ATG10: variants seen among roughly 807,000 people sequenced by gnomAD.
The protein encoded by ATG10 is ubiquitin-like-conjugating enzyme ATG10.
In ATG10, 30 loss-of-function variants were observed where a neutral mutation model predicts 32.1. The observed-to-expected ratio is 0.94, with a 90% confidence interval of 0.70 to 1.27. The LOEUF is 1.27. Ranked by LOEUF, ATG10 falls within the 50% of genes most tolerant of loss-of-function variation. The pLI is 0.00. For missense variants in ATG10, 233 were observed against 262.3 expected (o/e 0.89, Z 0.77); for synonymous variants, 87 against 91.5 (o/e 0.95, Z 0.28).
At chr5:82,238,059 C>T (rs957361859) in intron 5 of ATG10, among the ~76,000 whole-genome samples, 6 of 152,182 alleles carry the variant, frequency 3.9e-5, no homozygotes, top group African/African-American at 9.6e-5. Flanking sequence ...GTCTTTCCAT[C>T]GATAGGGCCT....
rs9784628 is a variant in ATG10, at chr5:81,990,264, C to G, written c.108+2586C>G. ...ATTGAATGAGTATAGGTTTCTGACC[C>G]CTTTTGACCTGTAATAATTTGTGTG... On this transcript the variant is annotated intron_variant, in intron 2 of 7. Coordinates refer to ENST00000282185, the MANE Select transcript of ATG10 (RefSeq NM_031482.5). 5.9e-3 allele frequency among the ~76,000 whole-genome samples: 897 copies of G among 152,148 alleles called. 8 individuals are homozygous for G. The highest frequency in any genetic ancestry group is 0.02 in the African/African-American group (846 of 41,516).
rs775694316 is a variant in ATG10 at position 82,079,611 on chromosome 5, C to T, written c.216+21009C>T. On this transcript the variant is annotated intron_variant, in intron 3 of 7. Coordinates refer to ENST00000282185, the MANE Select transcript of ATG10 (RefSeq NM_031482.5). ...ATTCCCACCTATGAGTGAGAACATG[C>T]GGTGTTTGTTTTTTTTTCCCTGTGA... Among the ~76,000 whole-genome samples the T allele has an allele frequency of 1.4e-3, 206 of 151,910 alleles. 4 individuals carry two copies. The highest frequency in any genetic ancestry group is 1.1e-3 in the Admixed American group (17 of 15,246).
rs1747338441 is a variant in ATG10 at position 82,253,376 on chromosome 5, C to T, written c.614C>T (p.Pro205Leu). The change falls in exon 7 of 8, where the codon CCT (proline) becomes CTT (leucine). Residue 205 changes from proline to leucine, a missense_variant. Physicochemically the swap from Pro to Leu is moderately conservative, Grantham distance 98. Transcript: ENST00000282185. The stretch of plus-strand genomic sequence containing the variant: ...GGGCCAGTTGTTGGGCTGAATCTAC[C>T]TCTGAGTTATGCCAAAGCAACGTCT... ...IVGPVVGLNL[P>L]LSYAKATSQD... The T allele has an allele frequency of 6.2e-7, 1 of 1,612,926 alleles. No homozygotes were observed. Among genetic ancestry groups the T allele is most frequent in the African/African-American group, 1.3e-5 (1 of 74,932 alleles).
chr5:81,997,091 C>T (rs1761687657), intron 2 of ATG10, among the ~76,000 whole-genome samples: 1 of 152,198 alleles, frequency 6.6e-6, no homozygotes, highest in South Asian at 2.1e-4. Context: ...TGTGAACATT[C>T]ACATGGAGGC....
chr5:82,091,533 CAG>C (rs1764885163), intron 3 of ATG10, among the ~76,000 whole-genome samples: 1 of 152,124 alleles, frequency 6.6e-6, no homozygotes, highest in African/African-American at 2.4e-5. Context: ...TCTCTTTTAA[CAG>C]AGATCTTCTT....
chr5:82,190,773 CAAAAAAAAAAAAAA>C (rs35513819), intron 5 of ATG10, among the ~76,000 whole-genome samples: 10 of 53,654 alleles, frequency 1.9e-4, no homozygotes, highest in Non-Finnish European at 2.9e-4. Context: ...GACTCCATCT[CAAAAAAAAAAAAAA>C]AAAAAAAAAA....
At position 82,031,705 on chromosome 5, in the gene ATG10, A is replaced by G. The variant is rs984562866; in HGVS notation, c.109-26790A>G. ...AGCTGGTGATGGATTTGTACTGAAG[A>G]CAAAGAAAGAGGTGGTAAAAGAAGG... On this transcript the variant is annotated intron_variant, in intron 2 of 7. Coordinates refer to ENST00000282185, the MANE Select transcript of ATG10 (RefSeq NM_031482.5). Among the ~76,000 whole-genome samples the G allele has an allele frequency of 3.3e-5, 5 of 152,236 alleles. 1 individual carries two copies. In the East Asian group the frequency reaches 9.6e-4, roughly 29 times the overall value.
chr5:82,073,356 A>G (rs1359523885), intron 3 of ATG10: 1 of 152,092 alleles, frequency 6.6e-6, no homozygotes, highest in Non-Finnish European at 1.5e-5. Context: ...TGAAAATACA[A>G]CCTTTGACCC....
At chr5:82,241,590 C>T (rs1257339269) in intron 5 of ATG10, among the ~76,000 whole-genome samples, 3 of 152,082 alleles carry the variant, frequency 2.0e-5, no homozygotes, top group African/African-American at 4.8e-5. Context: ...TTCCAAGCCC[C>T]CTTCTGCCCT....
intron 3 of ATG10, among the ~76,000 whole-genome samples, chr5:82,105,657 T>G (rs1765426271): frequency 6.6e-6 from 1 of 152,162 alleles, no homozygotes; most frequent in South Asian, 2.1e-4. Flanking sequence ...GGGAATACCC[T>G]TCTGTACTCT....
At chr5:81,989,498 A>G (rs7717810) in intron 2 of ATG10, among the ~76,000 whole-genome samples, 9,967 of 152,250 alleles carry the variant, frequency 0.065, 1,090 homozygotes, top group African/African-American at 0.23. Context: ...ACAGTTGATC[A>G]GCCCTCAGGA....
intron 2 of ATG10, among the ~76,000 whole-genome samples, chr5:82,003,302 A>T (rs1377668302): frequency 1.3e-5 from 2 of 152,248 alleles, no homozygotes; most frequent in Non-Finnish European, 2.9e-5. Flanking sequence ...TGTCTACTGA[A>T]GTGCCCAGAT....
intron 3 of ATG10, among the ~76,000 whole-genome samples, chr5:82,156,638 T>C (rs897558569): frequency 6.6e-6 from 1 of 152,196 alleles, no homozygotes; most frequent in African/African-American, 2.4e-5. Flanking sequence ...GCCTTTCTTA[T>C]GTCACATGTA....
At chr5:82,104,592 G>T (rs1054492823) in intron 3 of ATG10, among the ~76,000 whole-genome samples, 2 of 152,062 alleles carry the variant, frequency 1.3e-5, no homozygotes, top group African/African-American at 4.8e-5. Flanking sequence ...ACCAGATTCT[G>T]TACTGGTTTT....
chr5:82,030,215 A>G (rs1021750717), intron 2 of ATG10, among the ~76,000 whole-genome samples: 2 of 152,170 alleles, frequency 1.3e-5, no homozygotes, highest in African/African-American at 4.8e-5. Context: ...GCTGAAGAAT[A>G]TGGTCTGATC....
intron 2 of ATG10, among the ~76,000 whole-genome samples, chr5:82,028,478 A>G (rs748852623): frequency 1.3e-5 from 2 of 152,194 alleles, no homozygotes; most frequent in African/African-American, 4.8e-5. Flanking sequence ...CATCAAGGGT[A>G]TTGTGAAGAC....
At chr5:82,079,324 A>G (rs538684370) in intron 3 of ATG10, among the ~76,000 whole-genome samples, 10 of 152,092 alleles carry the variant, frequency 6.6e-5, no homozygotes, top group African/African-American at 2.2e-4. Context: ...TCTTACATGG[A>G]TGGCAGCAGG....
intron 2 of ATG10, among the ~76,000 whole-genome samples, chr5:82,044,153 T>G (rs1340673359): frequency 1.3e-5 from 2 of 152,070 alleles, no homozygotes. Context: ...CTGGAAGGCC[T>G]GAGGAAACTT....
intron 3 of ATG10, among the ~76,000 whole-genome samples, chr5:82,138,506 C>T (rs1280186452): frequency 1.3e-5 from 2 of 152,194 alleles, no homozygotes; most frequent in Middle Eastern, 3.4e-3. Flanking sequence ...TTGTGCTTCC[C>T]GGGTCAGGTG....
Sources: gnomAD v4.1 joint callset for allele counts (sites outside exome capture counted in the v4.1 genomes callset) on GRCh38, gnomAD v4.1.1 for gene constraint, MANE v1.5 for transcripts, NCBI Gene and HGNC (gene_info 2026-07-23, HGNC 2026-07-21) for gene names.